The following CCSER1 variants were observed in gnomAD, a reference collection of about 807,000 sequenced individuals.
The protein encoded by CCSER1 is serine-rich coiled-coil domain-containing protein 1.
In CCSER1, 41 loss-of-function variants were observed where a neutral mutation model predicts 82.0. The observed-to-expected ratio is 0.50, with a 90% confidence interval of 0.39 to 0.65. The LOEUF is 0.65. Among genes scored for constraint, CCSER1 ranks in the 30% least tolerant of loss-of-function variants. CCSER1 has a pLI of 0.00. For missense variants in CCSER1, 1,119 were observed against 1,064.2 expected, an observed-to-expected ratio of 1.05 and a Z score of -0.72; for synonymous variants, 414 against 383.9, an observed-to-expected ratio of 1.08 and a Z score of -0.92.
chr4:90,472,330 AT>A (rs1764510085), intron 5 of CCSER1, among the ~76,000 whole-genome samples: 1 of 152,190 alleles, frequency 6.6e-6, no homozygotes, highest in South Asian at 2.1e-4. Flanking sequence ...AGATATTTGT[AT>A]TATCTAACCA....
chr4:90,276,255 C>CTTTCTTTGTTTCT (rs1560929917), intron 1 of CCSER1, among the ~76,000 whole-genome samples: 3 of 52,802 alleles, frequency 5.7e-5, no homozygotes, highest in African/African-American at 2.2e-4. Context: ...TCTTTCTTTC[C>CTTTCTTTGTTTCT]TTCCTTCCTT....
intron 10 of CCSER1, among the ~76,000 whole-genome samples, chr4:91,527,312 T>C (rs1760814469): frequency 6.6e-6 from 1 of 152,198 alleles, no homozygotes; most frequent in Non-Finnish European, 1.5e-5. Context: ...TGTCAGAATC[T>C]GAAGTGTCTT....
At chr4:90,996,458 A>G (rs1301222546) in intron 9 of CCSER1, among the ~76,000 whole-genome samples, 1 of 152,102 alleles carries the variant, frequency 6.6e-6, no homozygotes, top group Non-Finnish European at 1.5e-5. Flanking sequence ...ATTTGCAAGT[A>G]TTAGTGGACC....
At chr4:91,317,424 A>G (rs1745909003) in intron 10 of CCSER1, among the ~76,000 whole-genome samples, 1 of 152,002 alleles carries the variant, frequency 6.6e-6, no homozygotes, top group South Asian at 2.1e-4. Flanking sequence ...ATTTAAAATT[A>G]TAAGCTACAC....
intron 10 of CCSER1, among the ~76,000 whole-genome samples, chr4:91,400,334 G>A (rs1384273534): frequency 6.6e-6 from 1 of 151,690 alleles, no homozygotes; most frequent in Non-Finnish European, 1.5e-5. Flanking sequence ...ATTAAGTGCT[G>A]AAGTTAAGTA....
At chr4:91,204,524 G>A (rs1471819717) in intron 10 of CCSER1, among the ~76,000 whole-genome samples, 2 of 151,718 alleles carry the variant, frequency 1.3e-5, no homozygotes, top group African/African-American at 4.8e-5. Context: ...AACAATTTCA[G>A]TTAGTATCTC....
At chr4:90,889,856 T>C (rs1039308730) in intron 8 of CCSER1, among the ~76,000 whole-genome samples, 4 of 152,186 alleles carry the variant, frequency 2.6e-5, no homozygotes, top group Admixed American at 2.0e-4. Context: ...AGCTCTTCTT[T>C]ATTTGAAATA....
intron 10 of CCSER1, among the ~76,000 whole-genome samples, chr4:91,204,062 C>T (rs923304041): frequency 1.3e-5 from 2 of 151,718 alleles, no homozygotes; most frequent in Admixed American, 6.6e-5. Flanking sequence ...TGTTAGATAA[C>T]TAAATATTTG....
At chr4:90,175,918 T>C (rs1440465654) in intron 1 of CCSER1, among the ~76,000 whole-genome samples, 1 of 151,884 alleles carries the variant, frequency 6.6e-6, no homozygotes. Context: ...AAATGGGAGA[T>C]ATATTAGAGC....
intron 9 of CCSER1, among the ~76,000 whole-genome samples, chr4:91,039,035 T>C (rs557780148): frequency 1.3e-5 from 2 of 152,276 alleles, no homozygotes; most frequent in Non-Finnish European, 2.9e-5. Context: ...CTTTTTTGAA[T>C]TTTTTATCTT....
At chr4:91,551,122 T>C (rs1307347148) in intron 10 of CCSER1, among the ~76,000 whole-genome samples, 1 of 152,058 alleles carries the variant, frequency 6.6e-6, no homozygotes, top group Non-Finnish European at 1.5e-5. Context: ...TTATATACTA[T>C]ATATTTAGGG....
intron 1 of CCSER1, among the ~76,000 whole-genome samples, chr4:90,238,745 T>C (rs1430947943): frequency 6.6e-6 from 1 of 152,116 alleles, no homozygotes; most frequent in African/African-American, 2.4e-5. Flanking sequence ...ATAAAGAACA[T>C]TTACTTTTGG....
chr4:90,430,074 A>C (rs1166240771), intron 4 of CCSER1, among the ~76,000 whole-genome samples: 2 of 151,624 alleles, frequency 1.3e-5, no homozygotes, highest in Non-Finnish European at 3.0e-5. Flanking sequence ...CTCTCCAGTG[A>C]AGTAAATGAA....
chr4:90,418,720 T>A (rs1438828843), intron 4 of CCSER1, among the ~76,000 whole-genome samples: 1 of 152,062 alleles, frequency 6.6e-6, no homozygotes, highest in Non-Finnish European at 1.5e-5. Flanking sequence ...GCATTTGTTT[T>A]AAACTGACCT....
chr4:91,502,537 T>C (rs113222568), intron 10 of CCSER1, among the ~76,000 whole-genome samples: 5,138 of 152,252 alleles, frequency 0.034, 189 homozygotes, highest in African/African-American at 0.094. Context: ...CACAATCCTA[T>C]GAAGTACTCC....
intron 5 of CCSER1, among the ~76,000 whole-genome samples, chr4:90,480,894 GT>G (rs1360253017): frequency 5.9e-5 from 9 of 152,124 alleles, no homozygotes; most frequent in Non-Finnish European, 8.8e-5. Flanking sequence ...CTTTAAAGTA[GT>G]TTTTTCCAAT....
At chr4:90,372,067 A>C (rs1478860203) in intron 3 of CCSER1, among the ~76,000 whole-genome samples, 1 of 152,036 alleles carries the variant, frequency 6.6e-6, no homozygotes, top group African/African-American at 2.4e-5. Flanking sequence ...ATCGTTTGGA[A>C]CTCTGTGGAT....
At chr4:90,945,615 CACAA>C (rs376844918) in intron 9 of CCSER1, among the ~76,000 whole-genome samples, 7 of 152,234 alleles carry the variant, frequency 4.6e-5, no homozygotes, top group South Asian at 2.1e-4. Flanking sequence ...CCTGCTTTTC[CACAA>C]ACAGACTGTG....
chr4:91,113,475 A>G (rs1234192398), intron 10 of CCSER1, among the ~76,000 whole-genome samples: 1 of 152,216 alleles, frequency 6.6e-6, no homozygotes. Flanking sequence ...AGTAGGTCAT[A>G]CAGCTAGTAT....
Sources: gnomAD v4.1 joint callset for allele counts (sites outside exome capture counted in the v4.1 genomes callset) on GRCh38, gnomAD v4.1.1 for gene constraint, MANE v1.5 for transcripts, NCBI Gene and HGNC (gene_info 2026-07-23, HGNC 2026-07-21) for gene names.